CACNA2D3: variants seen among roughly 807,000 people sequenced by gnomAD.
CACNA2D3 encodes voltage-dependent calcium channel subunit alpha-2/delta-3.
A neutral mutation model predicts 160.6 loss-of-function variants in CACNA2D3; 60 were observed. The ratio of observed to expected loss-of-function variants is 0.37; its 90% confidence interval spans 0.30 to 0.46. The LOEUF (loss-of-function observed/expected upper bound fraction) is 0.46, where lower values mean the gene tolerates loss of function less well. Ranked by LOEUF, CACNA2D3 falls within the 20% of genes least tolerant of loss-of-function variation. The pLI, the probability that CACNA2D3 is intolerant of heterozygous loss-of-function variation, is 1.00. For missense variants in CACNA2D3, 1,205 were observed against 1,365.0 expected (o/e 0.88, Z 1.85); for synonymous variants, 558 against 492.9 (o/e 1.13, Z -1.75).
rs1385548183 is a variant in CACNA2D3 at position 54,922,959 on chromosome 3, C to A, written c.2449+23091C>A. Among the ~76,000 whole-genome samples, 8 of 152,182 alleles carry A rather than the reference C, an allele frequency of 5.3e-5. No homozygotes were observed. The East Asian group carries it at 1.5e-3, about 29-fold the overall frequency. On this transcript the variant is annotated intron_variant, in intron 27 of 37. Coordinates refer to ENST00000474759, the MANE Select transcript of CACNA2D3 (RefSeq NM_018398.3). ...ATCCACTCCAACCCATTAGCAATGT[C>A]TGCCAGTTCAGTATTCCAAGTATCT...
chr3:54,576,898 G>C (rs371863563), intron 8 of CACNA2D3, among the ~76,000 whole-genome samples: 2 of 152,108 alleles, frequency 1.3e-5, no homozygotes, highest in Non-Finnish European at 2.9e-5. Context: ...TTAGCTGGAC[G>C]TGGTGGCATG....
intron 9 of CACNA2D3, among the ~76,000 whole-genome samples, chr3:54,617,416 G>A (rs1698877264): frequency 6.6e-6 from 1 of 152,148 alleles, no homozygotes; most frequent in African/African-American, 2.4e-5. Context: ...AAGTTCAGAC[G>A]TGGTGATGCG....
intron 11 of CACNA2D3, among the ~76,000 whole-genome samples, chr3:54,738,841 C>T (rs1012451731): frequency 3.3e-5 from 5 of 152,164 alleles, no homozygotes; most frequent in Non-Finnish European, 5.9e-5. Flanking sequence ...CTTAACTTTT[C>T]TTGCTTTTCT....
At chr3:54,809,841 A>C (rs1703253003) in intron 13 of CACNA2D3, among the ~76,000 whole-genome samples, 1 of 151,988 alleles carries the variant, frequency 6.6e-6, no homozygotes, top group Non-Finnish European at 1.5e-5. Context: ...ACCAAGGGCC[A>C]GGCATAGGTA....
At chr3:54,681,747 C>G (rs143313871) in intron 11 of CACNA2D3, among the ~76,000 whole-genome samples, 1 of 152,196 alleles carries the variant, frequency 6.6e-6, no homozygotes, top group Non-Finnish European at 1.5e-5. Flanking sequence ...GATGCAATCT[C>G]GGCTCACTGC....
At chr3:54,154,990 T>G (rs1247363845) in intron 2 of CACNA2D3, among the ~76,000 whole-genome samples, 1 of 152,234 alleles carries the variant, frequency 6.6e-6, no homozygotes, top group African/African-American at 2.4e-5. Flanking sequence ...GAATCAGTAC[T>G]ATAAATAAAT....
intron 2 of CACNA2D3, among the ~76,000 whole-genome samples, chr3:54,135,785 G>A (rs956644903): frequency 6.6e-6 from 1 of 152,238 alleles, no homozygotes; most frequent in Non-Finnish European, 1.5e-5. Flanking sequence ...TGGAGAGGGG[G>A]CAGGTCTTGG....
At chr3:54,679,448 CCT>C (rs1478246179) in intron 11 of CACNA2D3, among the ~76,000 whole-genome samples, 1 of 152,146 alleles carries the variant, frequency 6.6e-6, no homozygotes, top group Non-Finnish European at 1.5e-5. Context: ...CACTCCATAT[CCT>C]CTCTGTGTGC....
At chr3:54,137,278 C>T (rs1027565166) in intron 2 of CACNA2D3, among the ~76,000 whole-genome samples, 2 of 152,210 alleles carry the variant, frequency 1.3e-5, no homozygotes, top group African/African-American at 4.8e-5. Flanking sequence ...ACATACACGT[C>T]TGCTTGTTGA....
intron 2 of CACNA2D3, among the ~76,000 whole-genome samples, chr3:54,280,679 A>G (rs1337184838): frequency 6.6e-6 from 1 of 152,114 alleles, no homozygotes. Context: ...AAGTTTAGCA[A>G]TAACAACCCT....
chr3:55,000,770 A>G (rs781730056), intron 31 of CACNA2D3, among the ~76,000 whole-genome samples: 2 of 152,078 alleles, frequency 1.3e-5, no homozygotes, highest in East Asian at 3.9e-4. Flanking sequence ...CTGGTGACTC[A>G]TCAGCCCTTC....
intron 29 of CACNA2D3, among the ~76,000 whole-genome samples, chr3:54,984,120 A>T (rs1213048393): frequency 6.6e-6 from 1 of 152,188 alleles, no homozygotes; most frequent in Non-Finnish European, 1.5e-5. Context: ...TGAACAAATT[A>T]AAAAATATTA....
intron 2 of CACNA2D3, among the ~76,000 whole-genome samples, chr3:54,127,027 A>G (rs995328042): frequency 6.6e-6 from 1 of 152,174 alleles, no homozygotes; most frequent in Non-Finnish European, 1.5e-5. Flanking sequence ...CCACACCTCT[A>G]ACAATCACAA....
chr3:55,058,171 G>A (rs1352260425), intron 35 of CACNA2D3, among the ~76,000 whole-genome samples: 1 of 152,108 alleles, frequency 6.6e-6, no homozygotes, highest in Admixed American at 6.5e-5. Context: ...ATAGGGGTGG[G>A]AATTATTTGG....
At chr3:55,052,234 G>A (rs1344810376) in intron 35 of CACNA2D3, among the ~76,000 whole-genome samples, 4 of 152,006 alleles carry the variant, frequency 2.6e-5, no homozygotes, top group African/African-American at 4.8e-5. Context: ...AATATTTGAG[G>A]GTTTTCCGGA....
chr3:54,260,416 T>C (rs1401653761), intron 2 of CACNA2D3, among the ~76,000 whole-genome samples: 4 of 152,184 alleles, frequency 2.6e-5, no homozygotes, highest in Admixed American at 1.3e-4. Context: ...CTTCTTGCTG[T>C]GTCATAACAT....
At chr3:54,358,162 G>A (rs1403490739) in intron 3 of CACNA2D3, among the ~76,000 whole-genome samples, 1 of 152,142 alleles carries the variant, frequency 6.6e-6, no homozygotes, top group Non-Finnish European at 1.5e-5. Context: ...GAGACAAGGT[G>A]ATATATGGGG....
intron 29 of CACNA2D3, among the ~76,000 whole-genome samples, chr3:54,975,895 T>C (rs963072941): frequency 1.3e-5 from 2 of 152,120 alleles, no homozygotes; most frequent in Admixed American, 6.6e-5. Context: ...TCAGTCACTT[T>C]TATTGTTTTT....
chr3:54,678,751 TTGA>T (rs1477451108), intron 11 of CACNA2D3, among the ~76,000 whole-genome samples: 1 of 75,686 alleles, frequency 1.3e-5, no homozygotes, highest in African/African-American at 3.6e-5. Context: ...AAAAAAAAAG[TTGA>T]TGATCAAGTT....
Sources: gnomAD v4.1 joint callset for allele counts (sites outside exome capture counted in the v4.1 genomes callset) on GRCh38, gnomAD v4.1.1 for gene constraint, MANE v1.5 for transcripts, NCBI Gene and HGNC (gene_info 2026-07-23, HGNC 2026-07-21) for gene names.